CPS1: variants seen among roughly 807,000 people sequenced by gnomAD.
CPS1 encodes the protein carbamoyl-phosphate synthase 1, also known as carbamoyl-phosphate synthase [ammonia], mitochondrial.
Under a neutral mutation model 174.6 loss-of-function variants are expected in CPS1, and 109 were observed. That is an observed-to-expected ratio of 0.62 (90% confidence interval 0.53 to 0.73). The LOEUF (loss-of-function observed/expected upper bound fraction) is 0.73, where lower values mean the gene tolerates loss of function less well. Ranked by LOEUF, CPS1 falls within the 30% of genes least tolerant of loss-of-function variation. The probability of loss-of-function intolerance (pLI) is 0.00; values close to 1 mark genes in which losing one functional copy is unlikely to be tolerated. For missense variants in CPS1, 1,689 were observed against 1,821.9 expected (o/e 0.93, Z 1.33); for synonymous variants, 637 against 632.0 (o/e 1.01, Z -0.12).
chr2:210,647,711 TG>T, intron 25 of CPS1, 151 bp from the exon 26 acceptor site: 1 of 987,484 alleles, frequency 1.0e-6, no homozygotes, highest in Non-Finnish European at 1.6e-6. Context: ...AAAAATTTTG[TG>T]GCATCATTTA....
intron 1 of CPS1, among the ~76,000 whole-genome samples, chr2:210,548,179 TC>T (rs1450747830): frequency 3.9e-5 from 6 of 152,006 alleles, no homozygotes; most frequent in African/African-American, 1.4e-4. Flanking sequence ...TAATACTTTT[TC>T]TATTGTGTAC....
intron 1 of CPS1, among the ~76,000 whole-genome samples, chr2:210,523,956 G>T (rs1043747749): frequency 1.3e-5 from 2 of 152,014 alleles, no homozygotes; most frequent in Non-Finnish European, 2.9e-5. Flanking sequence ...AGATGACTAT[G>T]AGGGAAATGC....
chr2:210,645,236 T>A (rs943418754), intron 25 of CPS1, among the ~76,000 whole-genome samples: 15 of 152,212 alleles, frequency 9.9e-5, no homozygotes, highest in African/African-American at 3.6e-4. Context: ...AAAAGATTCC[T>A]GAGGCCGTGA....
chr2:210,664,381 C>A (rs1701022574), intron 33 of CPS1, among the ~76,000 whole-genome samples: 2 of 151,812 alleles, frequency 1.3e-5, no homozygotes, highest in South Asian at 4.2e-4. Context: ...CTCTTGTTGC[C>A]CAGGCTGGAG....
intron 1 of CPS1, among the ~76,000 whole-genome samples, chr2:210,549,856 C>T (rs933895508): frequency 1.3e-5 from 2 of 151,996 alleles, no homozygotes; most frequent in Admixed American, 1.3e-4. Flanking sequence ...CTACTCAGTA[C>T]ATAATTCCTG....
chr2:210,530,698 T>G (rs1386138954), intron 1 of CPS1, among the ~76,000 whole-genome samples: 2 of 152,138 alleles, frequency 1.3e-5, no homozygotes, highest in African/African-American at 4.8e-5. Context: ...TTTAAGAAAC[T>G]TACTGCAGCA....
chr2:210,664,586 G>T (rs759891199), intron 33 of CPS1, among the ~76,000 whole-genome samples: 1 of 152,070 alleles, frequency 6.6e-6, no homozygotes, highest in African/African-American at 2.4e-5. Flanking sequence ...TGATCCGCCC[G>T]CTACAGACAT....
intron 16 of CPS1, 113 bp downstream of exon 16, chr2:210,602,443 G>A: frequency 3.0e-6 from 4 of 1,338,354 alleles, no homozygotes; most frequent in Middle Eastern, 1.9e-4. Flanking sequence ...ATTAAATCAT[G>A]ATCATGTTCT....
At chr2:210,496,848 A>T (rs534127973) in intron 1 of CPS1, among the ~76,000 whole-genome samples, 121 of 152,208 alleles carry the variant, frequency 7.9e-4, no homozygotes, top group African/African-American at 2.6e-3. Context: ...TTTAATACTT[A>T]AACTTCTTAT....
Position 210,577,437 on chromosome 2 carries a change from T to G in CPS1, c.398T>G (p.Val133Gly), listed in dbSNP as rs1276215148. 1 of 1,613,842 alleles carries G rather than the reference T, an allele frequency of 6.2e-7. No individual in the cohort carries two copies. Among genetic ancestry groups the G allele is most frequent in the South Asian group, 1.1e-5 (1 of 91,074 alleles). ...TCTTTCTAGGTTTCAGGTTTGCTGG[T>G]GCTGGATTATAGTAAAGACTACAAC... ...SNGIKVSGLL[V>G]LDYSKDYNHW... is the part of the protein sequence containing the mutation. The change falls in exon 4 of 38, where the codon GTG becomes GGG. Residue 133 changes from valine to glycine, a missense_variant. Physicochemically the swap from Val to Gly is moderately radical, Grantham distance 109. Coordinates refer to ENST00000233072, the MANE Select transcript of CPS1 (RefSeq NM_001875.5).
rs77989169 is a variant in CPS1, at chr2:210,585,919, A to G, written c.622-2139A>G. Reference sequence around the variant, plus strand: ...GAGAGTCTTTAGAAAGGATGTTCCCATGCCCTTCCTGACACCTGTTCATCT... The same window carrying G: ...GAGAGTCTTTAGAAAGGATGTTCCCGTGCCCTTCCTGACACCTGTTCATCT... On this transcript the variant is annotated intron_variant, in intron 6 of 37. Transcript: ENST00000233072. Among the ~76,000 whole-genome samples the G allele has an allele frequency of 7.1e-3, 1,077 of 151,764 alleles. 10 individuals are homozygous for G. Among genetic ancestry groups the G allele is most frequent in the Non-Finnish European group, 0.011 (713 of 67,886 alleles).
intron 21 of CPS1, among the ~76,000 whole-genome samples, chr2:210,633,544 CT>C (rs1699937325): frequency 6.6e-6 from 1 of 152,278 alleles, no homozygotes; most frequent in African/African-American, 2.4e-5. Flanking sequence ...AATGAAAATA[CT>C]ACATTCCTGA....
Position 210,592,893 on chromosome 2 carries a change from G to C in CPS1, c.1101G>C (p.Glu367Asp), listed in dbSNP as rs975444103. The C allele has an allele frequency of 3.7e-6, 6 of 1,612,190 alleles. No individual in the cohort carries two copies. The highest frequency in any genetic ancestry group is 2.2e-5 in the East Asian group (1 of 44,788). Residue 367 changes from glutamate (E) to aspartate (D), a missense_variant, in exon 11 of 38, where the codon GAG (glutamate) becomes GAC (aspartate). By Grantham distance (45) the Glu-to-Asp change is conservative. Coordinates refer to ENST00000233072, the MANE Select transcript of CPS1 (RefSeq NM_001875.5). ...NDQTNEGIMHESKPFFAVQFH... is the reference protein window; with the variant it reads ...NDQTNEGIMHDSKPFFAVQFH... ...TATTCCTTTAGGGGATTATGCATGAGAGCAAACCCTTCTTCGCTGTGCAGT... is the reference window on the plus strand; with the variant it reads ...TATTCCTTTAGGGGATTATGCATGACAGCAAACCCTTCTTCGCTGTGCAGT...
chr2:210,558,660 G>A (rs1438498041), intron 1 of CPS1, among the ~76,000 whole-genome samples: 1 of 151,956 alleles, frequency 6.6e-6, no homozygotes, highest in Non-Finnish European at 1.5e-5. Context: ...CAGAAACCGC[G>A]AAATTGAGTA....
intron 1 of CPS1, among the ~76,000 whole-genome samples, chr2:210,548,244 T>C (rs1289456627): frequency 6.6e-6 from 1 of 152,080 alleles, no homozygotes; most frequent in African/African-American, 2.4e-5. Context: ...TTTCACAAAA[T>C]TTCTATCATT....
intron 1 of CPS1, among the ~76,000 whole-genome samples, chr2:210,486,193 A>C (rs1040861257): frequency 6.6e-6 from 1 of 151,014 alleles, no homozygotes; most frequent in Non-Finnish European, 1.5e-5. Context: ...GTGTTTGTTC[A>C]AATCTTTAGT....
chr2:210,550,077 T>C (rs536543674), intron 1 of CPS1, among the ~76,000 whole-genome samples: 25 of 152,112 alleles, frequency 1.6e-4, no homozygotes, highest in African/African-American at 5.1e-4. Context: ...GATGAATTAG[T>C]TTTATTATTA....
At chr2:210,660,779 ATTTCC>A in intron 32 of CPS1, 124 bp downstream of exon 32, 1 of 949,854 alleles carries the variant, frequency 1.1e-6, no homozygotes, top group Non-Finnish European at 1.6e-6. Context: ...AGGGATTTAC[ATTTCC>A]TTTCAATAAT....
intron 19 of CPS1, among the ~76,000 whole-genome samples, chr2:210,609,023 A>G (rs1574587412): frequency 6.6e-6 from 1 of 151,932 alleles, no homozygotes; most frequent in Non-Finnish European, 1.5e-5. Flanking sequence ...CCCCACATCT[A>G]TAAAAGAAGA....
Sources: gnomAD v4.1 joint callset for allele counts (sites outside exome capture counted in the v4.1 genomes callset) on GRCh38, gnomAD v4.1.1 for gene constraint, MANE v1.5 for transcripts, NCBI Gene and HGNC (gene_info 2026-07-23, HGNC 2026-07-21) for gene names.